Variants in EEF2K observed in about 807,000 individuals in gnomAD.
EEF2K encodes the protein eukaryotic elongation factor 2 kinase, also known as alternative protein EEF2K.
EEF2K carries 70 observed loss-of-function variants against 93.8 expected under a neutral mutation model. The ratio of observed to expected loss-of-function variants is 0.75; its 90% CI spans 0.62 to 0.91. The LOEUF (loss-of-function observed/expected upper bound fraction) is 0.91. Among genes scored for constraint, EEF2K ranks in the 40% least tolerant of loss-of-function variants. The probability of loss-of-function intolerance (pLI) is 0.00; values close to 1 mark genes in which losing one functional copy is unlikely to be tolerated. For missense variants in EEF2K, 935 were observed against 972.9 expected (o/e 0.96, Z 0.52); for synonymous variants, 376 against 380.8 (o/e 0.99, Z 0.15).
At chr16:22,221,526 A>G (rs2047011693) in intron 1 of EEF2K, among the ~76,000 whole-genome samples, 1 of 152,122 alleles carries the variant, frequency 6.6e-6, no homozygotes, top group Admixed American at 6.6e-5. Context: ...GCTAAGCACA[A>G]TTTCTTGAAA....
chr16:22,230,500 C>T (rs1261003173), intron 2 of EEF2K, among the ~76,000 whole-genome samples: 3 of 151,768 alleles, frequency 2.0e-5, no homozygotes, highest in Non-Finnish European at 4.4e-5. Context: ...AGGCATGAGC[C>T]GACATGCCCA....
At position 22,280,280 on chromosome 16, in the gene EEF2K, G is replaced by A. The variant is rs1233677779; in HGVS notation, c.1972G>A (p.Gly658Arg). 37 of 1,609,366 alleles carry A rather than the reference G, an allele frequency of 2.3e-5. No individual in the cohort carries two copies. The highest frequency in any genetic ancestry group is 2.9e-5 in the Non-Finnish European group (34 of 1,177,988). ...CTGTGATGAGGGCGGTGAGTACGAC[G>A]GAATGCAGGACGAGCCCCGGTACAT... ...TDCDEGGEYD[G>R]MQDEPRYMML... The change falls in exon 17 of 18, where the codon GGA becomes AGA. Residue 658 changes from glycine (G) to arginine (R), a missense_variant. Gly to Arg is a moderately radical substitution (Grantham distance 125, BLOSUM62 -2). Coordinates refer to ENST00000263026, the MANE Select transcript of EEF2K (RefSeq NM_013302.5).
chr16:22,240,498 C>T (rs955539340), intron 2 of EEF2K, among the ~76,000 whole-genome samples: 1 of 152,128 alleles, frequency 6.6e-6, no homozygotes, highest in Admixed American at 6.6e-5. Flanking sequence ...CTTGCACAAG[C>T]GCCCAAGATT....
At chr16:22,236,387 A>T in intron 2 of EEF2K, among the ~76,000 whole-genome samples, 1 of 143,982 alleles carries the variant, frequency 6.9e-6, no homozygotes, top group South Asian at 2.2e-4. Context: ...TGATCCTTCC[A>T]CCTCAGCCTC....
At chr16:22,280,526 A>G (rs2047682937) in intron 17 of EEF2K, 150 bp downstream of exon 17, 11 of 974,914 alleles carry the variant, frequency 1.1e-5, no homozygotes, top group Non-Finnish European at 1.5e-5. Context: ...GAAGATGAAC[A>G]TTGTTATTTT....
intron 10 of EEF2K, among the ~76,000 whole-genome samples, chr16:22,259,341 G>T (rs1328934748): frequency 1.3e-5 from 2 of 152,172 alleles, no homozygotes; most frequent in African/African-American, 4.8e-5. Flanking sequence ...AGGAGAGCAA[G>T]ATTTTATTGT....
intron 1 of EEF2K, among the ~76,000 whole-genome samples, chr16:22,222,702 TAAAAAA>T (rs1161314400): frequency 2.1e-5 from 2 of 96,534 alleles, no homozygotes; most frequent in African/African-American, 3.6e-5. Context: ...ACCCCGTCCC[TAAAAAA>T]AAAAAAAAAA....
chr16:22,218,878 C>CA (rs1683821292), intron 1 of EEF2K, among the ~76,000 whole-genome samples: 1 of 146,812 alleles, frequency 6.8e-6, no homozygotes, highest in African/African-American at 2.6e-5. Flanking sequence ...TAATCCCCAG[C>CA]ACGTTGGAAG....
rs543076834 is a variant in EEF2K, at chr16:22,284,126, A to G, written c.*130A>G. 1.6e-5 allele frequency: 14 copies of G among 850,260 alleles called. No homozygotes were observed. Among genetic ancestry groups the G allele is most frequent in the Middle Eastern group, 2.3e-4 (1 of 4,394 alleles). 52.7% of individuals were successfully genotyped at this position (850,260 alleles called of 1,614,324 possible). A position where few individuals can be genotyped will look rare whatever the true frequency, so the allele number is the denominator to read the frequency against. ...AGTGTGTTGTAAAATCAAATTTTAT[A>G]TTTCATTTTTTGACTCTTGAAAAAT... On this transcript the variant is annotated 3_prime_UTR_variant, in exon 18 of 18. Coordinates refer to ENST00000263026, the MANE Select transcript of EEF2K (RefSeq NM_013302.5).
chr16:22,266,650 G>C, intron 14 of EEF2K, 38 bp from the exon 15 acceptor site: 2 of 1,586,290 alleles, frequency 1.3e-6, no homozygotes, highest in Non-Finnish European at 1.7e-6. Context: ...GCTTTGGCCC[G>C]CCAGACAGCC....
At chr16:22,209,424 C>T (rs943501447) in intron 1 of EEF2K, among the ~76,000 whole-genome samples, 2 of 152,154 alleles carry the variant, frequency 1.3e-5, no homozygotes, top group African/African-American at 4.8e-5. Context: ...TGCCGGGACT[C>T]TGGGAGCTGT....
At chr16:22,271,547 A>AG (rs2047582304) in intron 15 of EEF2K, among the ~76,000 whole-genome samples, 1 of 151,776 alleles carries the variant, frequency 6.6e-6, no homozygotes, top group Admixed American at 6.6e-5. Flanking sequence ...CCCCAAAAAA[A>AG]CAAATTAGCC....
chr16:22,257,143 A>G (rs570544009), intron 7 of EEF2K, 110 bp from the exon 8 acceptor site: 7 of 1,557,114 alleles, frequency 4.5e-6, no homozygotes, highest in Admixed American at 4.0e-5. Flanking sequence ...CTTTTCCTCT[A>G]TATAACTCCT....
intron 2 of EEF2K, among the ~76,000 whole-genome samples, chr16:22,234,877 CTT>C (rs1173052779): frequency 0.018 from 1,607 of 90,592 alleles, 11 homozygotes; most frequent in Non-Finnish European, 0.027. Flanking sequence ...TTTTTTGTTG[CTT>C]TTTTTTTTTT....
At chr16:22,208,229 C>T (rs909297809) in intron 1 of EEF2K, among the ~76,000 whole-genome samples, 10 of 152,082 alleles carry the variant, frequency 6.6e-5, no homozygotes, top group Admixed American at 2.6e-4. Flanking sequence ...CAAGAGCTAC[C>T]GGTGTTTTGG....
intron 1 of EEF2K, among the ~76,000 whole-genome samples, chr16:22,224,012 G>A (rs530174370): frequency 2.4e-4 from 36 of 152,128 alleles, no homozygotes; most frequent in African/African-American, 7.9e-4. Context: ...TCCAAGACTA[G>A]CCTGGCCAAC....
At position 22,257,650 on chromosome 16, in the gene EEF2K, C is replaced by T. The variant is rs778926415; in HGVS notation, c.909C>T (p.Arg303=). The T allele has an allele frequency of 1.2e-5, 20 of 1,613,110 alleles. No homozygotes were observed. Among genetic ancestry groups the T allele is most frequent in the Middle Eastern group, 1.6e-4 (1 of 6,084 alleles). ...TDFGDGNLGV[R]GMALFFYSHA... is the part of the protein sequence containing the mutation. ...CCCCCGCTCTGTCCACAGGTGTCCG[C>T]GGGATGGCGCTCTTCTTCTACTCTC... Residue 303 remains arginine (R), a synonymous_variant, in exon 9 of 18, where the codon CGC becomes CGT. Coordinates refer to ENST00000263026, the MANE Select transcript of EEF2K (RefSeq NM_013302.5).
chr16:22,262,001 C>CCCCACACACACACACACACACACACA (rs1555473206), intron 11 of EEF2K, among the ~76,000 whole-genome samples: 73 of 138,096 alleles, frequency 5.3e-4, no homozygotes, highest in African/African-American at 1.9e-3. Context: ...TGAGACCCTG[C>CCCCACACACACACACACACACACACA]CACACACACA....
intron 15 of EEF2K, among the ~76,000 whole-genome samples, chr16:22,273,085 C>T (rs1463767043): frequency 2.0e-5 from 3 of 152,110 alleles, no homozygotes; most frequent in Admixed American, 6.6e-5. Flanking sequence ...CAAGGGTGAG[C>T]CAAATGTAGA....
Sources: gnomAD v4.1 joint callset for allele counts (sites outside exome capture counted in the v4.1 genomes callset) on GRCh38, gnomAD v4.1.1 for gene constraint, MANE v1.5 for transcripts, NCBI Gene and HGNC (gene_info 2026-07-23, HGNC 2026-07-21) for gene names.